Variants in HIF3A observed in about 807,000 individuals in gnomAD.
The protein encoded by HIF3A is hypoxia inducible factor 3 subunit alpha, also known as hypoxia-inducible factor 3-alpha.
HIF3A carries 41 observed loss-of-function variants against 67.2 expected under a neutral mutation model. That is an observed-to-expected ratio of 0.61 (90% CI 0.48 to 0.79). The LOEUF is 0.79. Among genes scored for constraint, HIF3A ranks in the 30% least tolerant of loss-of-function variants. The pLI is 0.00. For synonymous variants in HIF3A, 356 were observed against 374.8 expected (o/e 0.95, Z 0.58); for missense variants, 855 against 898.0 (o/e 0.95, Z 0.61).
Position 46,335,003 on chromosome 19 carries a change from G to C in HIF3A, c.1912+17G>C. The C allele has an allele frequency of 6.3e-7, 1 of 1,597,264 alleles. No individual in the cohort carries two copies. Among genetic ancestry groups the C allele is most frequent in the Non-Finnish European group, 8.5e-7 (1 of 1,170,212 alleles). The stretch of plus-strand genomic sequence containing the variant: ...AGCCCCTGGGTGAGTAGCAACCTGG[G>C]TATCCAGAGCCCCAGAGCACCTTCT... On this transcript the variant is annotated intron_variant, in intron 14 of 14. Transcript: ENST00000377670.
chr19:46,304,555 T>A (rs540248788), intron 2 of HIF3A, among the ~76,000 whole-genome samples: 1 of 152,198 alleles, frequency 6.6e-6, no homozygotes, highest in Admixed American at 6.5e-5. Flanking sequence ...ACTTGTTCTC[T>A]TAGTAGGCAT....
rs1338394161 is a variant in HIF3A at position 46,343,194 on chromosome 19, AG to A, written c.*3573del. The A allele has an allele frequency of 6.5e-6, 1 of 152,732 alleles. No individual in the cohort carries two copies. Among genetic ancestry groups the A allele is most frequent in the Non-Finnish European group, 1.5e-5 (1 of 68,262 alleles). 9.5% of individuals were successfully genotyped at this position (152,732 alleles called of 1,614,324 possible). ...ACAGGAAAAGGCCTCCCCCCTTCTTAGCCCCATTTACCCCGTTTGTGGAAGG... is the reference window on the plus strand; with the variant it reads ...ACAGGAAAAGGCCTCCCCCCTTCTTACCCCATTTACCCCGTTTGTGGAAGG... On this transcript the variant is annotated 3_prime_UTR_variant, in exon 15 of 15. Coordinates refer to ENST00000377670, the MANE Select transcript of HIF3A (RefSeq NM_152795.4).
chr19:46,309,065 T>C, intron 5 of HIF3A, 86 bp from the exon 6 acceptor site: 8 of 1,124,606 alleles, frequency 7.1e-6, no homozygotes, highest in Non-Finnish European at 9.0e-6. Flanking sequence ...AGCTCCCTGA[T>C]GGGCCCTCAG....
chr19:46,331,388 A>C, intron 13 of HIF3A, 115 bp downstream of exon 13: 1 of 765,056 alleles, frequency 1.3e-6, no homozygotes, highest in Non-Finnish European at 2.3e-6. Flanking sequence ...GTCATACAGA[A>C]AGTCAGTGGG....
At chr19:46,321,645 T>A in intron 9 of HIF3A, 131 bp from the exon 10 acceptor site, 1 of 792,166 alleles carries the variant, frequency 1.3e-6, no homozygotes, top group Non-Finnish European at 2.1e-6. Context: ...TTCCTTACCC[T>A]CTCACTAAGA....
In HIF3A at chr19:46,314,154, T is replaced by C. The variant is rs369926555; in HGVS notation, c.1025+1501T>C. Among the ~76,000 whole-genome samples the C allele has an allele frequency of 3.3e-5, 5 of 151,378 alleles. No individual in the cohort carries two copies. In the South Asian group the frequency reaches 6.3e-4, roughly 19 times the overall value. On this transcript the variant is annotated intron_variant, in intron 8 of 14. Coordinates refer to ENST00000377670, the MANE Select transcript of HIF3A (RefSeq NM_152795.4). ...GATTTTATGAGATCACATGTTTTCATTTCTCTTGGGTAAACAGCTAGGATT... is the reference window on the plus strand; with the variant it reads ...GATTTTATGAGATCACATGTTTTCACTTCTCTTGGGTAAACAGCTAGGATT...
At chr19:46,332,516 G>A (rs1971306643) in intron 13 of HIF3A, among the ~76,000 whole-genome samples, 2 of 152,296 alleles carry the variant, frequency 1.3e-5, no homozygotes, top group African/African-American at 4.8e-5. Flanking sequence ...CTCCGGCCTA[G>A]ATGACAGCAC....
Position 46,339,673 on chromosome 19 carries a change from C to T in HIF3A, c.*51C>T, listed in dbSNP as rs529193023. 6 of 1,371,404 alleles carry T rather than the reference C, an allele frequency of 4.4e-6. No individual in the cohort carries two copies. Among genetic ancestry groups the T allele is most frequent in the Non-Finnish European group, 6.1e-6 (6 of 987,474 alleles). 85.0% of individuals were successfully genotyped at this position (1,371,404 alleles called of 1,614,324 possible). On this transcript the variant is annotated 3_prime_UTR_variant, in exon 15 of 15. Transcript: ENST00000377670. ...CTCCTCCCCCAGAAAGGACCTCAAC[C>T]ACACTCCACGCCGGCAGCCAACGCA...
At chr19:46,331,871 AAAAG>A (rs1335157755) in intron 13 of HIF3A, among the ~76,000 whole-genome samples, 1 of 151,690 alleles carries the variant, frequency 6.6e-6, no homozygotes, top group Non-Finnish European at 1.5e-5. Flanking sequence ...AAAAAAAAAA[AAAAG>A]GCAATAAGTG....
rs1011011903 is a variant in HIF3A, at chr19:46,340,802, G to C, written c.*1180G>C. On this transcript the variant is annotated 3_prime_UTR_variant, in exon 15 of 15. Transcript: ENST00000377670. ...AGGCGTGAGCCACTGCACCCGGCTA[G>C]AACTCACTTTCTCCAAATCCCTCTG... 6.6e-6 allele frequency: 1 copy of C among 152,226 alleles called. No homozygotes were observed. The highest frequency in any genetic ancestry group is 2.4e-5 in the African/African-American group (1 of 41,400). The allele number at this position is 152,226 out of a possible 1,614,324, so 9.4% of individuals were successfully genotyped here. A position where few individuals can be genotyped will look rare whatever the true frequency, so the allele number is the denominator to read the frequency against.
At chr19:46,328,863 G>T (rs1163998872) in intron 11 of HIF3A, among the ~76,000 whole-genome samples, 1 of 152,042 alleles carries the variant, frequency 6.6e-6, no homozygotes, top group African/African-American at 2.4e-5. Flanking sequence ...TAGAACTACA[G>T]GCATGGGCCA....
intron 1 of HIF3A, among the ~76,000 whole-genome samples, chr19:46,302,425 C>T (rs1437615782): frequency 6.6e-6 from 1 of 151,002 alleles, no homozygotes; most frequent in African/African-American, 2.4e-5. Flanking sequence ...CCACTGCGCC[C>T]GGCCTGTTTT....
Position 46,297,386 on chromosome 19 carries a change from C to T in HIF3A, c.26+284C>T, listed in dbSNP as rs114995648. Reference sequence around the variant, plus strand: ...TTTACCCTCCTGGTTGGGGGTGGAACTTGGGATTCCTGATAAATTAGGGGT... The same window carrying T: ...TTTACCCTCCTGGTTGGGGGTGGAATTTGGGATTCCTGATAAATTAGGGGT... On this transcript the variant is annotated intron_variant, in intron 1 of 14. Coordinates refer to ENST00000377670, the MANE Select transcript of HIF3A (RefSeq NM_152795.4). This position sits in a 1 kb window ranked among gnomAD's most constrained non-coding sequence, Gnocchi z 4.5. 1.3e-5 allele frequency among the ~76,000 whole-genome samples: 2 copies of T among 152,112 alleles called. No individual in the cohort carries two copies. Among genetic ancestry groups the T allele is most frequent in the Admixed American group, 1.3e-4 (2 of 15,282 alleles).
rs1601399433 is a variant in HIF3A, at chr19:46,342,704, G to A, written c.*3082G>A. On this transcript the variant is annotated 3_prime_UTR_variant, in exon 15 of 15. Transcript: ENST00000377670. ...TTTCCCTAAAGATTCCTCTGGTTCT[G>A]AATCTTATAACCTCAACTCCCTAAT... is the stretch of plus-strand genomic sequence containing the variant. 1 of 152,156 alleles carries A rather than the reference G, an allele frequency of 6.6e-6. No individual in the cohort carries two copies. The highest frequency in any genetic ancestry group is 6.5e-5 in the Admixed American group (1 of 15,274). 9.4% of individuals were successfully genotyped at this position (152,156 alleles called of 1,614,324 possible). A position where few individuals can be genotyped will look rare whatever the true frequency, so the allele number is the denominator to read the frequency against.
At chr19:46,320,995 G>A (rs979496100) in intron 9 of HIF3A, among the ~76,000 whole-genome samples, 1 of 152,100 alleles carries the variant, frequency 6.6e-6, no homozygotes, top group South Asian at 2.1e-4. Flanking sequence ...CATCCTGGAT[G>A]AGCCTCCCTC....
At chr19:46,337,812 A>G (rs976949511) in intron 14 of HIF3A, among the ~76,000 whole-genome samples, 13 of 152,166 alleles carry the variant, frequency 8.5e-5, no homozygotes, top group African/African-American at 2.9e-4. Context: ...GCCTAACTTC[A>G]TACGCTCATG....
At chr19:46,302,767 A>G (rs997507268) in intron 1 of HIF3A, among the ~76,000 whole-genome samples, 5 of 152,130 alleles carry the variant, frequency 3.3e-5, no homozygotes, top group Admixed American at 1.3e-4. Context: ...CCAGCTACAT[A>G]AGAGGCTGAG....
At chr19:46,308,580 G>C (rs1253326943) in intron 4 of HIF3A, 83 bp from the exon 5 acceptor site, 1 of 795,510 alleles carries the variant, frequency 1.3e-6, no homozygotes, top group Non-Finnish European at 2.0e-6. Context: ...GAGCTGGGGA[G>C]GCCTGAGCAG....
At chr19:46,320,273 T>A in intron 8 of HIF3A, 170 bp from the exon 9 acceptor site, 2 of 581,586 alleles carry the variant, frequency 3.4e-6, no homozygotes, top group Non-Finnish European at 6.1e-6. Flanking sequence ...TCAACAGAAA[T>A]GAAACCCTTA....
Sources: gnomAD v4.1 joint callset for allele counts (sites outside exome capture counted in the v4.1 genomes callset) on GRCh38, gnomAD v4.1.1 for gene constraint, Gnocchi (gnomAD v3.1) non-coding constraint, MANE v1.5 for transcripts, NCBI Gene and HGNC (gene_info 2026-07-23, HGNC 2026-07-21) for gene names.